SEMA5A: variants seen among roughly 807,000 people sequenced by gnomAD.
SEMA5A encodes semaphorin-5A.
A neutral mutation model predicts 135.5 loss-of-function variants in SEMA5A; 55 were observed. The ratio of observed to expected loss-of-function variants is 0.41; its 90% CI spans 0.33 to 0.51. The LOEUF is 0.51. SEMA5A is among the 20% of genes least tolerant of loss of function. The probability of loss-of-function intolerance (pLI) is 0.37; values close to 1 mark genes in which losing one functional copy is unlikely to be tolerated. For missense variants in SEMA5A, 1,290 were observed against 1,419.9 expected, an observed-to-expected ratio of 0.91 and a Z score of 1.47; for synonymous variants, 580 against 546.5, an observed-to-expected ratio of 1.06 and a Z score of -0.85.
intron 5 of SEMA5A, among the ~76,000 whole-genome samples, chr5:9,238,732 G>A (rs1390889143): frequency 2.0e-5 from 3 of 151,738 alleles, no homozygotes; most frequent in Non-Finnish European, 4.4e-5. Flanking sequence ...ATTGTATAGA[G>A]TGTGAACTTT....
chr5:9,083,509 T>C (rs1738503963), intron 16 of SEMA5A, among the ~76,000 whole-genome samples: 1 of 152,154 alleles, frequency 6.6e-6, no homozygotes, highest in Non-Finnish European at 1.5e-5. Flanking sequence ...GTCAATGTAG[T>C]GTTGCCTAAG....
At chr5:9,145,026 C>CT (rs34003876) in intron 12 of SEMA5A, among the ~76,000 whole-genome samples, 44,070 of 149,074 alleles carry the variant, frequency 0.3, 6,492 homozygotes, top group Non-Finnish European at 0.32. Context: ...GTCATTTTTA[C>CT]TTTTTTTTTT....
chr5:9,378,068 A>T (rs920887004), intron 3 of SEMA5A, among the ~76,000 whole-genome samples: 1 of 152,218 alleles, frequency 6.6e-6, no homozygotes, highest in Non-Finnish European at 1.5e-5. Flanking sequence ...TACATCAAAT[A>T]TGTTGAAATT....
intron 5 of SEMA5A, among the ~76,000 whole-genome samples, chr5:9,297,178 A>G (rs559129857): frequency 6.7e-6 from 1 of 148,620 alleles, no homozygotes; most frequent in South Asian, 2.1e-4. Flanking sequence ...ATATACATAT[A>G]CATATGTATA....
At chr5:9,292,778 C>T (rs560169217) in intron 5 of SEMA5A, among the ~76,000 whole-genome samples, 1 of 152,236 alleles carries the variant, frequency 6.6e-6, no homozygotes, top group Non-Finnish European at 1.5e-5. Flanking sequence ...GGTTTCTCAA[C>T]CAGGTGCGAT....
chr5:9,164,128 ATAAATATTTATATAATTATAAATATAT>A (rs1743467269), intron 11 of SEMA5A, among the ~76,000 whole-genome samples: 1 of 110,784 alleles, frequency 9.0e-6, no homozygotes, highest in Non-Finnish European at 1.7e-5. Context: ...AATATATCAT[ATAAATATTTATATAATTATAAATATAT>A]CATATAAATA....
At chr5:9,344,811 T>A (rs2150736112) in intron 3 of SEMA5A, among the ~76,000 whole-genome samples, 1 of 152,318 alleles carries the variant, frequency 6.6e-6, no homozygotes, top group Middle Eastern at 3.4e-3. Context: ...ATTTTCAGTA[T>A]AACTCCTATT....
At chr5:9,107,620 T>C (rs1484264860) in intron 16 of SEMA5A, among the ~76,000 whole-genome samples, 1 of 152,206 alleles carries the variant, frequency 6.6e-6, no homozygotes, top group Non-Finnish European at 1.5e-5. Context: ...TTATCCCATA[T>C]GTGAATACTT....
chr5:9,410,434 T>G (rs1182812500), intron 2 of SEMA5A, among the ~76,000 whole-genome samples: 1 of 152,200 alleles, frequency 6.6e-6, no homozygotes, highest in Non-Finnish European at 1.5e-5. Context: ...CAACAGTCAA[T>G]CTCCGCAGGA....
In SEMA5A at chr5:9,332,521, C is replaced by T. The variant is rs913289379; in HGVS notation, c.224+5192G>A. Among the ~76,000 whole-genome samples the T allele has an allele frequency of 4.0e-5, 6 of 150,190 alleles. No individual in the cohort carries two copies. In the East Asian group the frequency reaches 1.2e-3, roughly 30 times the overall value. ...GGTGTACAAGGCATGCAGCTATGGG[C>T]TGGCACTCACATTGGGTCAGGTGTG... is the stretch of plus-strand genomic sequence containing the variant. On this transcript the variant is annotated intron_variant, in intron 4 of 22. Transcript: ENST00000382496.
chr5:9,138,763 A>T lies in SEMA5A; in HGVS notation c.1482-2142T>A, dbSNP rs541986897. Among the ~76,000 whole-genome samples, 373 of 152,204 alleles carry T rather than the reference A, an allele frequency of 2.5e-3. 1 individual carries two copies. Among genetic ancestry groups the T allele is most frequent in the African/African-American group, 8.5e-3 (352 of 41,520 alleles). On this transcript the variant is annotated intron_variant, in intron 12 of 22. Transcript: ENST00000382496. ...ATTTTATCCCTCACCCCCTTCCTAC[A>T]CTTTGCCCCTGAGTCCCCAAAGTCC...
At position 9,042,415 on chromosome 5, in the gene SEMA5A, C is replaced by T. The variant is rs910531366; in HGVS notation, c.*482G>A. 6.3e-6 allele frequency: 1 copy of T among 158,596 alleles called. No individual in the cohort carries two copies. Among genetic ancestry groups the T allele is most frequent in the Non-Finnish European group, 1.4e-5 (1 of 72,784 alleles). The allele number at this position is 158,596 out of a possible 1,614,324, so 9.8% of individuals were successfully genotyped here. A position where few individuals can be genotyped will look rare whatever the true frequency, so the allele number is the denominator to read the frequency against. On this transcript the variant is annotated 3_prime_UTR_variant, in exon 23 of 23. Coordinates refer to ENST00000382496, the MANE Select transcript of SEMA5A (RefSeq NM_003966.3). ...ATCCAGATTTGGAAAGTTGGGCAAT[C>T]CATGGTGAATAATTGTTTGGCCACA...
At chr5:9,046,732 C>T (rs1454357505) in intron 21 of SEMA5A, among the ~76,000 whole-genome samples, 1 of 152,196 alleles carries the variant, frequency 6.6e-6, no homozygotes, top group Non-Finnish European at 1.5e-5. Flanking sequence ...TTGGCTGCTC[C>T]AGACAATGTG....
intron 21 of SEMA5A, among the ~76,000 whole-genome samples, chr5:9,049,560 T>C (rs2150038641): frequency 6.6e-6 from 1 of 152,362 alleles, no homozygotes; most frequent in South Asian, 2.1e-4. Context: ...CATGTGAACA[T>C]GTCAGAGGCA....
chr5:9,365,124 A>G (rs989289125), intron 3 of SEMA5A, among the ~76,000 whole-genome samples: 1 of 152,198 alleles, frequency 6.6e-6, no homozygotes, highest in African/African-American at 2.4e-5. Context: ...GGGCAGATGC[A>G]TTAGAAAATA....
chr5:9,302,504 T>C (rs559191559), intron 5 of SEMA5A, among the ~76,000 whole-genome samples: 10 of 152,320 alleles, frequency 6.6e-5, no homozygotes, highest in Admixed American at 2.6e-4. Context: ...AAACAACAGA[T>C]AGTGGTAGAA....
At chr5:9,091,169 A>C (rs1739012301) in intron 16 of SEMA5A, among the ~76,000 whole-genome samples, 1 of 152,220 alleles carries the variant, frequency 6.6e-6, no homozygotes, top group Non-Finnish European at 1.5e-5. Context: ...TGGAAGTTTC[A>C]AATTCTGTTG....
chr5:9,417,424 G>A (rs768107161), intron 2 of SEMA5A, among the ~76,000 whole-genome samples: 17 of 152,178 alleles, frequency 1.1e-4, no homozygotes, highest in South Asian at 8.3e-4. Flanking sequence ...GCCTTAAGTG[G>A]GATCCCAATT....
At chr5:9,271,786 C>G (rs1749987092) in intron 5 of SEMA5A, among the ~76,000 whole-genome samples, 1 of 152,122 alleles carries the variant, frequency 6.6e-6, no homozygotes, top group Non-Finnish European at 1.5e-5. Flanking sequence ...AGGGAACTCC[C>G]TCTAGCCAAG....
Sources: gnomAD v4.1 joint callset for allele counts (sites outside exome capture counted in the v4.1 genomes callset) on GRCh38, gnomAD v4.1.1 for gene constraint, MANE v1.5 for transcripts, NCBI Gene and HGNC (gene_info 2026-07-23, HGNC 2026-07-21) for gene names.